The following CTNNA2 variants were observed in gnomAD, a reference collection of about 807,000 sequenced individuals.
CTNNA2 encodes the protein catenin alpha 2.
A neutral mutation model predicts 101.0 loss-of-function variants in CTNNA2; 42 were observed. The ratio of observed to expected loss-of-function variants is 0.42; its 90% CI spans 0.32 to 0.54. The LOEUF (loss-of-function observed/expected upper bound fraction) is 0.54. Among genes scored for constraint, CTNNA2 ranks in the 20% least tolerant of loss-of-function variants. The pLI is 0.14. For missense variants in CTNNA2, 871 were observed against 1,223.1 expected, an observed-to-expected ratio of 0.71 and a Z score of 4.29; for synonymous variants, 450 against 456.4, an observed-to-expected ratio of 0.99 and a Z score of 0.18.
intron 4 of CTNNA2, among the ~76,000 whole-genome samples, chr2:79,462,604 C>T (rs566653128): frequency 6.6e-6 from 1 of 152,334 alleles, no homozygotes; most frequent in African/African-American, 2.4e-5. Context: ...GGAAATGTGT[C>T]TGTTTTGTTC....
chr2:79,902,337 C>T (rs1685118841), intron 6 of CTNNA2, among the ~76,000 whole-genome samples: 1 of 152,186 alleles, frequency 6.6e-6, no homozygotes, highest in Non-Finnish European at 1.5e-5. Context: ...CACAATAATT[C>T]ATCTCTCTGA....
intron 7 of CTNNA2, among the ~76,000 whole-genome samples, chr2:79,991,351 A>G (rs1349086258): frequency 1.3e-5 from 2 of 151,930 alleles, no homozygotes; most frequent in Non-Finnish European, 2.9e-5. Context: ...TTTCAATACC[A>G]CCTCCCCCTT....
At chr2:79,456,377 A>T (rs768698850) in intron 4 of CTNNA2, among the ~76,000 whole-genome samples, 1 of 152,066 alleles carries the variant, frequency 6.6e-6, no homozygotes, top group Non-Finnish European at 1.5e-5. Context: ...TCCTTTAATA[A>T]AGATTCTTAA....
At chr2:80,092,977 C>G (rs1463948095) in intron 7 of CTNNA2, among the ~76,000 whole-genome samples, 1 of 151,862 alleles carries the variant, frequency 6.6e-6, no homozygotes, top group East Asian at 1.9e-4. Flanking sequence ...TTAAGTTATT[C>G]TTGAAAGAAT....
At position 80,647,678 on chromosome 2, in the gene CTNNA2, T is replaced by TCCTATGTGCCCTCAA; in HGVS notation, c.2668_2669insCCTATGTGCCCTCAA (p.Tyr890delinsSerTyrValProSerAsn). 1 of 1,613,432 alleles carries TCCTATGTGCCCTCAA rather than the reference T, an allele frequency of 6.2e-7. No homozygotes were observed. Among genetic ancestry groups the TCCTATGTGCCCTCAA allele is most frequent in the Non-Finnish European group, 8.5e-7 (1 of 1,179,502 alleles). On this transcript the variant is annotated protein_altering_variant, in exon 19 of 19. Coordinates refer to ENST00000402739, the MANE Select transcript of CTNNA2 (RefSeq NM_001282597.3). ...AGCATCCTATGTGGCCTCAACCAAA[T>TCCTATGTGCCCTCAA]ACCAGAAGGTCTATGGGACAGCAGC...
At chr2:80,568,533 C>T (rs1208011174) in intron 12 of CTNNA2, among the ~76,000 whole-genome samples, 1 of 151,266 alleles carries the variant, frequency 6.6e-6, no homozygotes, top group African/African-American at 2.4e-5. Flanking sequence ...ATGAACTAGC[C>T]TAATACAGTA....
At chr2:79,499,767 T>G (rs1172497721) in intron 4 of CTNNA2, among the ~76,000 whole-genome samples, 1 of 152,226 alleles carries the variant, frequency 6.6e-6, no homozygotes, top group Non-Finnish European at 1.5e-5. Context: ...TGCTCCTACA[T>G]GGAGCCTTGC....
intron 7 of CTNNA2, among the ~76,000 whole-genome samples, chr2:80,250,212 T>A (rs1205097051): frequency 6.6e-6 from 1 of 151,468 alleles, no homozygotes; most frequent in African/African-American, 2.4e-5. Context: ...AGAGTGTGTG[T>A]GTGTGTGTGT....
At position 80,257,281 on chromosome 2, in the gene CTNNA2, C is replaced by T. The variant is rs13420718; in HGVS notation, c.1057-135930C>T. Among the ~76,000 whole-genome samples the T allele has an allele frequency of 7.8e-3, 1,181 of 151,646 alleles. 14 individuals carry two copies. The highest frequency in any genetic ancestry group is 0.026 in the African/African-American group (1,077 of 41,356). On this transcript the variant is annotated intron_variant, in intron 7 of 18. Coordinates refer to ENST00000402739, the MANE Select transcript of CTNNA2 (RefSeq NM_001282597.3). ...TACATATAAATATATAGTATATAAT[C>T]ATTTAGAGTCATGTATCTTAATTGT... is the stretch of plus-strand genomic sequence containing the variant.
At chr2:79,808,232 T>G (rs534117611) in intron 3 of CTNNA2, among the ~76,000 whole-genome samples, 182 of 152,198 alleles carry the variant, frequency 1.2e-3, no homozygotes, top group Middle Eastern at 3.4e-3. Context: ...GAGTTCAAAA[T>G]GCAAAATATT....
At chr2:79,315,556 A>G (rs547482061) in intron 3 of CTNNA2, among the ~76,000 whole-genome samples, 1 of 152,254 alleles carries the variant, frequency 6.6e-6, no homozygotes, top group Admixed American at 6.5e-5. Flanking sequence ...AATCCATTCA[A>G]GTTTTAAGAT....
intron 1 of CTNNA2, among the ~76,000 whole-genome samples, chr2:79,608,295 A>G (rs1678031257): frequency 6.6e-6 from 1 of 152,070 alleles, no homozygotes; most frequent in African/African-American, 2.4e-5. Flanking sequence ...AGAAAACTTT[A>G]TGTGATGTGG....
In CTNNA2 at chr2:79,757,677, G is replaced by A. The variant is rs117109166; in HGVS notation, c.298+13095G>A. 7.6e-4 allele frequency among the ~76,000 whole-genome samples: 116 copies of A among 152,286 alleles called. No homozygotes were observed. The East Asian group carries it at 0.019, about 25-fold the overall frequency. The stretch of plus-strand genomic sequence containing the variant: ...GCATCCTGTGCAAACCTGTCCACCC[G>A]AGAACACAGCCACAGGTGGCTCAAT... On this transcript the variant is annotated intron_variant, in intron 3 of 18. Coordinates refer to ENST00000402739, the MANE Select transcript of CTNNA2 (RefSeq NM_001282597.3).
At chr2:80,139,445 C>T (rs1702876909) in intron 7 of CTNNA2, among the ~76,000 whole-genome samples, 1 of 152,034 alleles carries the variant, frequency 6.6e-6, no homozygotes, top group Non-Finnish European at 1.5e-5. Flanking sequence ...ATACTCCTTT[C>T]CATTTCTGTA....
At chr2:80,130,506 C>T (rs1354121745) in intron 7 of CTNNA2, among the ~76,000 whole-genome samples, 1 of 152,088 alleles carries the variant, frequency 6.6e-6, no homozygotes, top group Non-Finnish European at 1.5e-5. Flanking sequence ...ATTTGTATAT[C>T]AGTGAGAGAA....
chr2:80,275,752 A>G (rs981949097), intron 7 of CTNNA2, among the ~76,000 whole-genome samples: 8 of 152,174 alleles, frequency 5.3e-5, no homozygotes, highest in African/African-American at 1.9e-4. Context: ...GTAAACTTCC[A>G]AACGGAAAAA....
At chr2:80,268,258 C>T (rs1192969077) in intron 7 of CTNNA2, among the ~76,000 whole-genome samples, 5 of 152,296 alleles carry the variant, frequency 3.3e-5, no homozygotes, top group Middle Eastern at 3.4e-3. Context: ...GGGTGGGTAC[C>T]GGCTGGACGG....
intron 3 of CTNNA2, chr2:79,312,946 G>A (rs1676418014): frequency 6.6e-6 from 1 of 152,118 alleles, no homozygotes. Context: ...TATACAGCTA[G>A]TATTAAACTT....
intron 7 of CTNNA2, among the ~76,000 whole-genome samples, chr2:80,307,016 G>C (rs964875708): frequency 6.7e-6 from 1 of 150,336 alleles, no homozygotes; most frequent in African/African-American, 2.4e-5. Flanking sequence ...CTTACAAGAT[G>C]CTCCTAGGCT....
Sources: allele counts gnomAD v4.1 joint callset (sites outside exome capture counted in the v4.1 genomes callset), GRCh38; gene constraint gnomAD v4.1.1; transcripts MANE v1.5; gene names NCBI Gene and HGNC (gene_info 2026-07-23, HGNC 2026-07-21).